Variants in SLIT1 observed in about 807,000 individuals in gnomAD.
SLIT1 encodes the protein slit guidance ligand 1.
In SLIT1, 66 loss-of-function variants were observed where a neutral mutation model predicts 186.1. The observed-to-expected ratio is 0.35, with a 90% confidence interval of 0.29 to 0.44. The LOEUF (loss-of-function observed/expected upper bound fraction) is 0.44, where lower values mean the gene tolerates loss of function less well. SLIT1 is among the 20% of genes least tolerant of loss of function. The pLI, the probability that SLIT1 is intolerant of heterozygous loss-of-function variation, is 1.00. For synonymous variants in SLIT1, 761 were observed against 833.8 expected (o/e 0.91, Z 1.50); for missense variants, 1,638 against 2,037.4 (o/e 0.80, Z 3.77).
intron 1 of SLIT1, among the ~76,000 whole-genome samples, chr10:97,175,810 C>A (rs924090754): frequency 1.3e-5 from 2 of 152,150 alleles, no homozygotes; most frequent in African/African-American, 4.8e-5. Flanking sequence ...CCGCCACTGA[C>A]CTCCGCCTGC....
At chr10:97,179,779 A>T (rs1850306233) in intron 1 of SLIT1, among the ~76,000 whole-genome samples, 1 of 148,696 alleles carries the variant, frequency 6.7e-6, no homozygotes, top group African/African-American at 2.5e-5. Context: ...CGTCAAAAAG[A>T]GGAGCCAATT....
intron 31 of SLIT1, among the ~76,000 whole-genome samples, chr10:97,008,866 A>T (rs547003220): frequency 2.0e-5 from 3 of 150,224 alleles, no homozygotes; most frequent in Non-Finnish European, 4.5e-5. Flanking sequence ...ATTTTTTATT[A>T]TTTATTTATT....
At chr10:97,091,819 A>T (rs1015813330) in intron 4 of SLIT1, among the ~76,000 whole-genome samples, 2 of 152,236 alleles carry the variant, frequency 1.3e-5, no homozygotes, top group Non-Finnish European at 2.9e-5. Context: ...CCAAGCCCAT[A>T]GGCTAAGTGC....
At chr10:97,180,266 G>A (rs1850317304) in intron 1 of SLIT1, among the ~76,000 whole-genome samples, 1 of 152,180 alleles carries the variant, frequency 6.6e-6, no homozygotes, top group Non-Finnish European at 1.5e-5. Flanking sequence ...TTGAGCACTC[G>A]CTGTCTGCCA....
At chr10:97,058,411 A>ATT (rs1564664365) in intron 11 of SLIT1, among the ~76,000 whole-genome samples, 1 of 152,196 alleles carries the variant, frequency 6.6e-6, no homozygotes. Context: ...TTAGACTGCC[A>ATT]TGTTCCAACT....
chr10:97,163,151 C>T (rs988680557), intron 3 of SLIT1, among the ~76,000 whole-genome samples: 1 of 152,234 alleles, frequency 6.6e-6, no homozygotes, highest in Admixed American at 6.5e-5. Flanking sequence ...ACAACAGGGA[C>T]AGTTGCATGG....
intron 1 of SLIT1, among the ~76,000 whole-genome samples, chr10:97,171,588 G>A (rs1380610472): frequency 1.3e-5 from 2 of 152,192 alleles, no homozygotes; most frequent in African/African-American, 4.8e-5. Flanking sequence ...GAGAGGCTGA[G>A]GCAAGTGGAT....
intron 5 of SLIT1, chr10:97,065,482 T>C (rs59453737): frequency 0.069 from 10,829 of 156,250 alleles, 1,230 homozygotes; most frequent in African/African-American, 0.24. Flanking sequence ...TACATTTGAA[T>C]AGTAATAATA....
chr10:97,028,455 T>C (rs1848565445), intron 25 of SLIT1, among the ~76,000 whole-genome samples: 1 of 152,160 alleles, frequency 6.6e-6, no homozygotes, highest in Admixed American at 6.5e-5. Flanking sequence ...CCACCCCACA[T>C]TCCTGCCCCA....
chr10:97,007,071 G>T (rs1045896560), intron 31 of SLIT1, among the ~76,000 whole-genome samples: 4 of 152,082 alleles, frequency 2.6e-5, no homozygotes, highest in Non-Finnish European at 2.9e-5. Context: ...TGAGACTTAA[G>T]ACACAAGCAT....
At chr10:97,145,797 AT>A (rs1043505482) in intron 4 of SLIT1, among the ~76,000 whole-genome samples, 7 of 152,202 alleles carry the variant, frequency 4.6e-5, no homozygotes, top group African/African-American at 1.7e-4. Context: ...CTTCTCCAAG[AT>A]GCTCCACATA....
At chr10:97,035,392 G>A (rs1311912367) in intron 22 of SLIT1, among the ~76,000 whole-genome samples, 9 of 151,746 alleles carry the variant, frequency 5.9e-5, no homozygotes, top group Admixed American at 3.9e-4. Flanking sequence ...CTCAAACTCC[G>A]CCCGCATCTT....
chr10:97,183,593 T>C (rs1170580593), intron 1 of SLIT1, among the ~76,000 whole-genome samples: 1 of 152,210 alleles, frequency 6.6e-6, no homozygotes, highest in African/African-American at 2.4e-5. Flanking sequence ...GAATGCCACC[T>C]CTTTCCTCTG....
At chr10:97,123,745 G>T (rs1409457081) in intron 4 of SLIT1, among the ~76,000 whole-genome samples, 1 of 149,736 alleles carries the variant, frequency 6.7e-6, no homozygotes, top group African/African-American at 2.5e-5. Context: ...AGCTCAGATT[G>T]CATCACTGCA....
At position 97,021,558 on chromosome 10, in the gene SLIT1, C is replaced by CA; in HGVS notation, c.2583-146_2583-145insT. The CA allele has an allele frequency of 6.2e-6, 3 of 480,368 alleles. No homozygotes were observed. Among genetic ancestry groups the CA allele is most frequent in the Non-Finnish European group, 1.0e-5 (3 of 289,814 alleles). 29.8% of individuals were successfully genotyped at this position (480,368 alleles called of 1,614,324 possible). ...AGCATTTACTGTATAGTCAGTGCTG[C>CA]TTTTTTTTTTTTTTCTTTTTTTGAG... On this transcript the variant is annotated intron_variant, in intron 25 of 36. Transcript: ENST00000266058. This position sits in a 1 kb window ranked among gnomAD's most constrained non-coding sequence, Gnocchi z 4.5.
chr10:97,001,230 C>A lies in SLIT1; in HGVS notation c.4487G>T (p.Gly1496Val), dbSNP rs760690309. 23 of 1,613,204 alleles carry A rather than the reference C, an allele frequency of 1.4e-5. No individual in the cohort carries two copies. Among genetic ancestry groups the A allele is most frequent in the Non-Finnish European group, 1.9e-5 (22 of 1,179,942 alleles). Reference sequence around the variant, plus strand: ...CTTCAGCCGAAGGCCCTGGCAGCAGCCCTGGCCTGGGCACGAGCCCCGGCA... The same window carrying A: ...CTTCAGCCGAAGGCCCTGGCAGCAGACCTGGCCTGGGCACGAGCCCCGGCA... ...VECRGSCPGQ[G>V]CCQGLRLKRR... The change falls in exon 37 of 37, where the codon GGC becomes GTC. Residue 1496 changes from glycine (G) to valine (V), a missense_variant. This residue lies in a region of SLIT1 where 220 missense variants were observed against 211.3 expected (regional missense o/e 1.04). Transcript: ENST00000266058.
At position 97,000,316 on chromosome 10, in the gene SLIT1, G is replaced by A. The variant is rs1479894463; in HGVS notation, c.*796C>T. The A allele has an allele frequency of 6.6e-6, 1 of 152,370 alleles. No individual in the cohort carries two copies. The highest frequency in any genetic ancestry group is 1.9e-4 in the East Asian group (1 of 5,206). 9.4% of individuals were successfully genotyped at this position (152,370 alleles called of 1,614,324 possible). A position where few individuals can be genotyped will look rare whatever the true frequency, so the allele number is the denominator to read the frequency against. ...CTGTGGCCAGTGTCTGGAGGCAGATGATGTTTGTTTATCTAGAGCAAAGAA... is the reference window on the plus strand; with the variant it reads ...CTGTGGCCAGTGTCTGGAGGCAGATAATGTTTGTTTATCTAGAGCAAAGAA... On this transcript the variant is annotated 3_prime_UTR_variant, in exon 37 of 37. Transcript: ENST00000266058.
chr10:97,037,843 C>A, intron 21 of SLIT1, 77 bp from the exon 22 acceptor site: 6 of 1,185,012 alleles, frequency 5.1e-6, no homozygotes, highest in South Asian at 1.4e-5. Context: ...GCCTTCCCTG[C>A]AGCCAGGGAC....
chr10:97,131,295 C>T (rs1357758466), intron 4 of SLIT1, among the ~76,000 whole-genome samples: 1 of 152,270 alleles, frequency 6.6e-6, no homozygotes, highest in Non-Finnish European at 1.5e-5. Context: ...CACACACTGT[C>T]ATCAAAAACA....
Sources: gnomAD v4.1 joint callset for allele counts (sites outside exome capture counted in the v4.1 genomes callset) on GRCh38, gnomAD v4.1.1 for gene constraint, gnomAD v4.1.1 regional missense constraint, Gnocchi (gnomAD v3.1) non-coding constraint, MANE v1.5 for transcripts, NCBI Gene and HGNC (gene_info 2026-07-23, HGNC 2026-07-21) for gene names.